The following MYO5A variants were observed in gnomAD, a reference collection of about 807,000 sequenced individuals.
MYO5A encodes unconventional myosin-Va.
MYO5A carries 98 observed loss-of-function variants against 249.7 expected under a neutral mutation model. The observed-to-expected ratio is 0.39, with a 90% CI of 0.33 to 0.46. The LOEUF is 0.46. MYO5A is among the 20% of genes least tolerant of loss of function. The pLI, the probability that MYO5A is intolerant of heterozygous loss-of-function variation, is 0.98. For missense variants in MYO5A, 1,696 were observed against 2,308.8 expected, an observed-to-expected ratio of 0.73 and a Z score of 5.44; for synonymous variants, 778 against 810.6, an observed-to-expected ratio of 0.96 and a Z score of 0.68.
chr15:52,441,060 A>C lies in MYO5A; in HGVS notation c.28-7775T>G, dbSNP rs1395291291. ...AGGGAAGAAATCCTGAAACGTCACCAGTACCCCCTCCTCTGAAATCTGACA... is the reference window on the plus strand; with the variant it reads ...AGGGAAGAAATCCTGAAACGTCACCCGTACCCCCTCCTCTGAAATCTGACA... On this transcript the variant is annotated intron_variant, in intron 1 of 41. Transcript: ENST00000399233. Among the ~76,000 whole-genome samples, 4 of 152,330 alleles carry C rather than the reference A, an allele frequency of 2.6e-5. No individual in the cohort carries two copies. In the East Asian group the frequency reaches 7.7e-4, roughly 29 times the overall value.
In MYO5A at chr15:52,312,496, T is replaced by C. The variant is rs1354401660; in HGVS notation, c.*1200A>G. The C allele has an allele frequency of 6.6e-6, 1 of 152,256 alleles. No individual in the cohort carries two copies. Among genetic ancestry groups the C allele is most frequent in the Non-Finnish European group, 1.5e-5 (1 of 68,086 alleles). The allele number at this position is 152,256 out of a possible 1,614,324, so 9.4% of individuals were successfully genotyped here. Reference sequence around the variant, plus strand: ...CCTCAGCCTCCCGAGTAGCTGGGATTACAGGCAAGTGCCACCACGCCCGGC... The same window carrying C: ...CCTCAGCCTCCCGAGTAGCTGGGATCACAGGCAAGTGCCACCACGCCCGGC... On this transcript the variant is annotated 3_prime_UTR_variant, in exon 42 of 42. Coordinates refer to ENST00000399233, the MANE Select transcript of MYO5A (RefSeq NM_001382347.1).
intron 12 of MYO5A, among the ~76,000 whole-genome samples, chr15:52,390,266 G>C (rs1595579676): frequency 6.6e-6 from 1 of 152,144 alleles, no homozygotes; most frequent in East Asian, 1.9e-4. Flanking sequence ...GAGTATAATT[G>C]GATTGTTTGT....
chr15:52,409,812 T>C (rs1724628), intron 6 of MYO5A, among the ~76,000 whole-genome samples: 71,758 of 151,676 alleles, frequency 0.47, 18,717 homozygotes, highest in East Asian at 0.86. Context: ...CAAGAGCATA[T>C]ATGTGGATGT....
At chr15:52,452,393 G>C (rs936478812) in intron 1 of MYO5A, among the ~76,000 whole-genome samples, 7 of 152,122 alleles carry the variant, frequency 4.6e-5, no homozygotes, top group African/African-American at 1.7e-4. Flanking sequence ...CTGCCACCTT[G>C]GGTTACCTGA....
chr15:52,487,937 C>A (rs1387147394), intron 1 of MYO5A, among the ~76,000 whole-genome samples: 2 of 152,050 alleles, frequency 1.3e-5, no homozygotes, highest in Non-Finnish European at 2.9e-5. Flanking sequence ...TGGGCTCCAG[C>A]AGTACCTGAC....
chr15:52,460,547 G>A (rs1315104635), intron 1 of MYO5A, among the ~76,000 whole-genome samples: 2 of 152,218 alleles, frequency 1.3e-5, no homozygotes, highest in African/African-American at 2.4e-5. Flanking sequence ...TCGGCAGGCT[G>A]AGGCAGGAGA....
chr15:52,510,088 A>C (rs1351561666), intron 1 of MYO5A, among the ~76,000 whole-genome samples: 1 of 137,780 alleles, frequency 7.3e-6, no homozygotes, highest in Admixed American at 7.8e-5. Context: ...TTAAGGAATT[A>C]AGCGGACTAA....
intron 1 of MYO5A, among the ~76,000 whole-genome samples, chr15:52,462,566 G>A (rs1004789686): frequency 6.6e-5 from 10 of 152,020 alleles, no homozygotes; most frequent in Admixed American, 6.6e-4. Flanking sequence ...TAAGGTTATC[G>A]GCCAGGCACA....
chr15:52,506,141 G>C (rs1344330426), intron 1 of MYO5A, among the ~76,000 whole-genome samples: 2 of 152,146 alleles, frequency 1.3e-5, no homozygotes. Context: ...CACGAGGTCA[G>C]GAGATCGAGA....
chr15:52,442,967 G>A lies in MYO5A; in HGVS notation c.28-9682C>T, dbSNP rs780321617. ...AGGGTTTCACCGTGTTAGCCAGGAC[G>A]GTCTCGATCTCCTGACCTTGTGATC... On this transcript the variant is annotated intron_variant, in intron 1 of 41. Coordinates refer to ENST00000399233, the MANE Select transcript of MYO5A (RefSeq NM_001382347.1). Among the ~76,000 whole-genome samples the A allele has an allele frequency of 4.0e-4, 61 of 152,082 alleles. 1 individual carries two copies. Among genetic ancestry groups the A allele is most frequent in the Admixed American group, 2.7e-3 (41 of 15,256 alleles).
At chr15:52,398,671 T>A (rs1271473772) in intron 9 of MYO5A, among the ~76,000 whole-genome samples, 1 of 152,148 alleles carries the variant, frequency 6.6e-6, no homozygotes, top group East Asian at 1.9e-4. Flanking sequence ...TATATATGTA[T>A]GTATTTAGAA....
chr15:52,504,642 C>T (rs374800923), intron 1 of MYO5A, among the ~76,000 whole-genome samples: 2 of 152,140 alleles, frequency 1.3e-5, no homozygotes, highest in Non-Finnish European at 2.9e-5. Context: ...TGGCTCACGT[C>T]GGTAATCCCA....
chr15:52,408,144 C>A lies in MYO5A; in HGVS notation c.757-4G>T, dbSNP rs547485837. ...GATAGTTTCTCTCCTCTTCTGCCTT[C>A]GAAATAAGAAGAGTTTTCAATTACA... is the stretch of plus-strand genomic sequence containing the variant. On this transcript the variant is annotated splice_polypyrimidine_tract_variant and splice_region_variant and intron_variant, in intron 6 of 41. Transcript: ENST00000399233. 6.3e-7 allele frequency: 1 copy of A among 1,578,614 alleles called. No individual in the cohort carries two copies. The highest frequency in any genetic ancestry group is 2.2e-5 in the East Asian group (1 of 44,534).
At chr15:52,335,117 T>A (rs572352918) in intron 34 of MYO5A, among the ~76,000 whole-genome samples, 1 of 152,306 alleles carries the variant, frequency 6.6e-6, no homozygotes, top group East Asian at 1.9e-4. Context: ...AAGAATTAGA[T>A]GCAGAATGAC....
chr15:52,523,760 A>T (rs2077671770), intron 1 of MYO5A, among the ~76,000 whole-genome samples: 1 of 152,196 alleles, frequency 6.6e-6, no homozygotes, highest in African/African-American at 2.4e-5. Context: ...GCAAGTCGTT[A>T]ACAGGCCTAG....
chr15:52,323,980 G>C (rs2038459145), intron 36 of MYO5A: 1 of 104,284 alleles, frequency 9.6e-6, no homozygotes, highest in South Asian at 3.5e-4. Flanking sequence ...CTCCAGCCTA[G>C]AGACAGAACG....
intron 1 of MYO5A, among the ~76,000 whole-genome samples, chr15:52,513,506 C>T (rs1280063350): frequency 6.7e-6 from 1 of 149,976 alleles, no homozygotes; most frequent in African/African-American, 2.4e-5. Flanking sequence ...CTCACTGCAA[C>T]CTCTACCTCC....
intron 1 of MYO5A, among the ~76,000 whole-genome samples, chr15:52,481,191 G>A (rs2076707782): frequency 1.3e-5 from 2 of 152,188 alleles, no homozygotes; most frequent in Admixed American, 6.5e-5. Context: ...CAGATGGTGT[G>A]CCTGTAACTC....
intron 1 of MYO5A, chr15:52,505,470 T>G (rs1312114002): frequency 1.9e-6 from 2 of 1,027,186 alleles, no homozygotes; most frequent in African/African-American, 3.1e-5. Context: ...GAGCTACAGA[T>G]AGTAAAGATG....
Sources: allele counts gnomAD v4.1 joint callset (sites outside exome capture counted in the v4.1 genomes callset), GRCh38; gene constraint gnomAD v4.1.1; transcripts MANE v1.5; gene names NCBI Gene and HGNC (gene_info 2026-07-23, HGNC 2026-07-21).